Variants in SCN9A observed in about 807,000 individuals in gnomAD.
SCN9A encodes sodium channel protein type 9 subunit alpha.
SCN9A carries 131 observed loss-of-function variants against 187.0 expected under a neutral mutation model. The ratio of observed to expected loss-of-function variants is 0.70; its 90% CI spans 0.61 to 0.81. The LOEUF is 0.81. Among genes scored for constraint, SCN9A ranks in the 30% least tolerant of loss-of-function variants. The pLI, the probability that SCN9A is intolerant of heterozygous loss-of-function variation, is 0.00. For synonymous variants in SCN9A, 809 were observed against 808.6 expected, an observed-to-expected ratio of 1.00 and a Z score of -0.01; for missense variants, 2,252 against 2,396.6, an observed-to-expected ratio of 0.94 and a Z score of 1.26.
chr2:166,277,815 G>A (rs1054297971), intron 15 of SCN9A: 4 of 256,020 alleles, frequency 1.6e-5, no homozygotes, highest in Non-Finnish European at 2.9e-5. Context: ...AATTCATAAA[G>A]TTATGAACAT....
In SCN9A at chr2:166,276,167, A is replaced by T. The variant is rs202109922; in HGVS notation, c.2874+816T>A. Among the ~76,000 whole-genome samples the T allele has an allele frequency of 1.8e-4, 27 of 151,616 alleles. 1 individual carries two copies. The highest frequency in any genetic ancestry group is 2.5e-4 in the Non-Finnish European group (17 of 67,856). On this transcript the variant is annotated intron_variant, in intron 16 of 26. Transcript: ENST00000642356. ...AATCAGTATAAGGAAGAAAAAAAATAAAAAAAAAGTACAAGCCAAGAAAAC... is the reference window on the plus strand; with the variant it reads ...AATCAGTATAAGGAAGAAAAAAAATTAAAAAAAAGTACAAGCCAAGAAAAC...
chr2:166,240,667 T>A (rs1168831562), intron 19 of SCN9A, among the ~76,000 whole-genome samples: 1 of 152,132 alleles, frequency 6.6e-6, no homozygotes, highest in African/African-American at 2.4e-5. Context: ...AAAATAGAGC[T>A]TTTCTGATCA....
chr2:166,364,128 T>C (rs1223492824), intron 1 of SCN9A, among the ~76,000 whole-genome samples: 2 of 149,790 alleles, frequency 1.3e-5, no homozygotes, highest in Non-Finnish European at 3.0e-5. Context: ...CACAATAAAA[T>C]ATCACTTCAC....
chr2:166,326,829 A>C (rs1401585717), intron 1 of SCN9A, among the ~76,000 whole-genome samples: 1 of 152,202 alleles, frequency 6.6e-6, no homozygotes, highest in Non-Finnish European at 1.5e-5. Flanking sequence ...GATGTCATAT[A>C]TTAATCACTA....
At chr2:166,329,212 T>C (rs1699437875) in intron 1 of SCN9A, among the ~76,000 whole-genome samples, 1 of 152,172 alleles carries the variant, frequency 6.6e-6, no homozygotes, top group Non-Finnish European at 1.5e-5. Context: ...AATTTTTCTT[T>C]ATTAAACTAC....
At chr2:166,244,158 T>C (rs912206194) in intron 18 of SCN9A, among the ~76,000 whole-genome samples, 8 of 152,014 alleles carry the variant, frequency 5.3e-5, no homozygotes, top group Admixed American at 6.6e-5. Flanking sequence ...AGATATCCTA[T>C]AGATTTTAAA....
intron 17 of SCN9A, among the ~76,000 whole-genome samples, chr2:166,269,266 A>G (rs1696873591): frequency 1.3e-5 from 2 of 152,042 alleles, no homozygotes; most frequent in Admixed American, 6.6e-5. Flanking sequence ...TGAATGGTTA[A>G]AATAATCTAT....
chr2:166,213,080 A>T (rs73017552), intron 24 of SCN9A, among the ~76,000 whole-genome samples: 4,570 of 152,206 alleles, frequency 0.03, 220 homozygotes, highest in African/African-American at 0.1. Context: ...TAGGAACTAG[A>T]AAAAGAACAA....
chr2:166,348,418 T>A (rs1292970069), intron 1 of SCN9A, among the ~76,000 whole-genome samples: 4 of 152,042 alleles, frequency 2.6e-5, no homozygotes, highest in Non-Finnish European at 5.9e-5. Flanking sequence ...CAGAATAGAG[T>A]AACATCTAAT....
intron 7 of SCN9A, among the ~76,000 whole-genome samples, chr2:166,297,196 CAAAAAAAAAAAAAAAAAAAAAAAAA>C (rs71031236): frequency 3.0e-5 from 1 of 32,892 alleles, no homozygotes. Context: ...GACTCCATCT[CAAAAAAAAAAAAAAAAAAAAAAAAA>C]AAAAAAGAAC....
Position 166,303,217 on chromosome 2 carries a change from C to G in SCN9A, c.774G>C (p.Val258=). Residue 258 remains valine (V), a synonymous_variant, in exon 7 of 27, where the codon GTG becomes GTC. Transcript: ENST00000642356. ...VMILTVFCLS[V]FALIGLQLFM... Reference sequence around the variant, plus strand: ...ACAGCTGTAGTCCAATTAGTGCAAACACACTCAGACAGAACACAGTCAGGA... The same window carrying G: ...ACAGCTGTAGTCCAATTAGTGCAAAGACACTCAGACAGAACACAGTCAGGA... 1.9e-6 allele frequency: 3 copies of G among 1,613,684 alleles called. No homozygotes were observed. Among genetic ancestry groups the G allele is most frequent in the Non-Finnish European group, 2.5e-6 (3 of 1,179,760 alleles).
rs1234934110 is a variant in SCN9A, at chr2:166,288,637, G to A, written c.1114C>T (p.Arg372Cys). 3 of 1,582,232 alleles carry A rather than the reference G, an allele frequency of 1.9e-6. No individual in the cohort carries two copies. The highest frequency in any genetic ancestry group is 1.7e-6 in the Non-Finnish European group (2 of 1,161,430). ...ATCATGTAGGTTTTGCCAGCAGCACGCAGCGTCTAGGGAAAAATGGAAATT... is the reference window on the plus strand; with the variant it reads ...ATCATGTAGGTTTTGCCAGCAGCACACAGCGTCTAGGGAAAAATGGAAATT... Reference protein sequence around the residue: ...YWENLYQQTLRAAGKTYMIFF... With the variant: ...YWENLYQQTLCAAGKTYMIFF... The change falls in exon 10 of 27, where the codon CGT becomes TGT. Residue 372 changes from arginine to cysteine, a missense_variant. Around this residue, in one of 7 missense-constraint regions of SCN9A, gnomAD observed 1,013 missense variants for 997.4 expected, o/e 1.02. Transcript: ENST00000642356.
At chr2:166,344,580 A>G (rs1426810281) in intron 1 of SCN9A, among the ~76,000 whole-genome samples, 2 of 152,198 alleles carry the variant, frequency 1.3e-5, no homozygotes, top group Non-Finnish European at 2.9e-5. Context: ...TCATTATACT[A>G]GCAATTCATC....
intron 17 of SCN9A, among the ~76,000 whole-genome samples, chr2:166,264,385 C>T (rs1320202323): frequency 6.6e-6 from 1 of 151,842 alleles, no homozygotes; most frequent in Non-Finnish European, 1.5e-5. Context: ...CAGTTCAGTG[C>T]CTGCATTCTT....
chr2:166,243,490 C>T (rs1253253813), intron 18 of SCN9A, among the ~76,000 whole-genome samples: 1 of 151,966 alleles, frequency 6.6e-6, no homozygotes, highest in Non-Finnish European at 1.5e-5. Context: ...TCAATCTCAC[C>T]TGGCTTATTT....
intron 17 of SCN9A, among the ~76,000 whole-genome samples, chr2:166,253,333 C>G (rs982791433): frequency 7.9e-5 from 12 of 151,714 alleles, no homozygotes; most frequent in African/African-American, 2.9e-4. Context: ...TTATTCCCAC[C>G]AGGTCCAGGA....
intron 1 of SCN9A, among the ~76,000 whole-genome samples, chr2:166,322,541 G>A (rs1398923993): frequency 1.3e-5 from 2 of 152,138 alleles, no homozygotes; most frequent in Non-Finnish European, 2.9e-5. Flanking sequence ...TGTATATAAA[G>A]TGCTTAACAG....
intron 23 of SCN9A, among the ~76,000 whole-genome samples, chr2:166,226,976 G>C (rs1391025181): frequency 6.6e-6 from 1 of 151,764 alleles, no homozygotes; most frequent in African/African-American, 2.4e-5. Context: ...GCATATTTGT[G>C]CTCATATTGG....
At chr2:166,341,896 A>G (rs957066033) in intron 1 of SCN9A, among the ~76,000 whole-genome samples, 1 of 152,216 alleles carries the variant, frequency 6.6e-6, no homozygotes, top group African/African-American at 2.4e-5. Context: ...CAGGAAATAC[A>G]AGAAAGGTTT....
Sources: gnomAD v4.1 joint callset for allele counts (sites outside exome capture counted in the v4.1 genomes callset) on GRCh38, gnomAD v4.1.1 for gene constraint, gnomAD v4.1.1 regional missense constraint, MANE v1.5 for transcripts, NCBI Gene and HGNC (gene_info 2026-07-23, HGNC 2026-07-21) for gene names.